SLC39A11: variants seen among roughly 807,000 people sequenced by gnomAD.
SLC39A11 encodes solute carrier family 39 member 11, also known as zinc transporter ZIP11.
A neutral mutation model predicts 36.1 loss-of-function variants in SLC39A11; 33 were observed. The ratio of observed to expected loss-of-function variants is 0.91; its 90% CI spans 0.69 to 1.22. SLC39A11 has a LOEUF of 1.22. Among genes scored for constraint, SLC39A11 ranks in the 50% most tolerant of loss-of-function variants. The probability of loss-of-function intolerance (pLI) is 0.00; values close to 1 mark genes in which losing one functional copy is unlikely to be tolerated. For missense variants in SLC39A11, 432 were observed against 430.3 expected (o/e 1.00, Z -0.03); for synonymous variants, 166 against 170.3 (o/e 0.97, Z 0.20).
At chr17:72,682,199 G>A (rs1019940486) in intron 7 of SLC39A11, among the ~76,000 whole-genome samples, 2 of 152,064 alleles carry the variant, frequency 1.3e-5, no homozygotes, top group African/African-American at 4.8e-5. Flanking sequence ...ACATTATGGG[G>A]AATTGTATAA....
At chr17:72,868,849 T>C (rs1016343242) in intron 5 of SLC39A11, among the ~76,000 whole-genome samples, 1 of 151,910 alleles carries the variant, frequency 6.6e-6, no homozygotes, top group Non-Finnish European at 1.5e-5. Context: ...ATATGAATGG[T>C]AAAAATGTAG....
intron 4 of SLC39A11, among the ~76,000 whole-genome samples, chr17:72,955,031 C>T (rs1001941354): frequency 6.6e-6 from 1 of 152,190 alleles, no homozygotes; most frequent in Non-Finnish European, 1.5e-5. Flanking sequence ...GCAATTCTTG[C>T]CTTGTCCAAA....
chr17:72,959,195 C>A (rs2086438420), intron 4 of SLC39A11, among the ~76,000 whole-genome samples: 1 of 151,524 alleles, frequency 6.6e-6, no homozygotes, highest in Non-Finnish European at 1.5e-5. Context: ...GAGGTCATCA[C>A]ATGAAAAAGA....
intron 4 of SLC39A11, among the ~76,000 whole-genome samples, chr17:73,016,288 T>G (rs961776031): frequency 1.1e-4 from 16 of 152,018 alleles, no homozygotes; most frequent in Admixed American, 5.2e-4. Flanking sequence ...TGGGTTCCAC[T>G]CCAGTTCTCC....
intron 6 of SLC39A11, among the ~76,000 whole-genome samples, chr17:72,737,983 C>G (rs2074506172): frequency 6.6e-6 from 1 of 152,062 alleles, no homozygotes; most frequent in African/African-American, 2.4e-5. Context: ...ATCACCACCA[C>G]CAGCATGCAT....
intron 5 of SLC39A11, among the ~76,000 whole-genome samples, chr17:72,937,386 CG>C (rs1369430177): frequency 6.6e-6 from 1 of 152,118 alleles, no homozygotes; most frequent in African/African-American, 2.4e-5. Flanking sequence ...ACCTGGGAGG[CG>C]GAGGTTGCAG....
At chr17:72,809,772 T>G (rs1205561957) in intron 6 of SLC39A11, among the ~76,000 whole-genome samples, 1 of 152,190 alleles carries the variant, frequency 6.6e-6, no homozygotes, top group Non-Finnish European at 1.5e-5. Context: ...TTTGTTTGTT[T>G]AATTGAAAAC....
At chr17:72,837,828 C>G in intron 6 of SLC39A11, 1 of 677,000 alleles carries the variant, frequency 1.5e-6, no homozygotes, top group Non-Finnish European at 2.1e-6. Flanking sequence ...AAATGAAAGT[C>G]AGTCCCGGTT....
intron 6 of SLC39A11, among the ~76,000 whole-genome samples, chr17:72,807,217 A>G (rs1034715507): frequency 1.3e-5 from 2 of 152,072 alleles, no homozygotes; most frequent in South Asian, 4.2e-4. Context: ...TGACCTCTGC[A>G]TTGTTTCTGT....
At chr17:73,002,563 A>G (rs1260257233) in intron 4 of SLC39A11, among the ~76,000 whole-genome samples, 2 of 152,226 alleles carry the variant, frequency 1.3e-5, no homozygotes, top group African/African-American at 4.8e-5. Flanking sequence ...AAGGGCTCTC[A>G]CTACCAAATT....
At position 73,024,339 on chromosome 17, in the gene SLC39A11, C is replaced by T. The variant is rs1410441176; in HGVS notation, c.306+7217G>A. ...AGCCTCAACAGAGTATAAGAAAGCA[C>T]AATCCTAAAAATGGGGCAAAGGGCT... On this transcript the variant is annotated intron_variant, in intron 4 of 9. Coordinates refer to ENST00000255559, the MANE Select transcript of SLC39A11 (RefSeq NM_139177.4). 2.0e-5 allele frequency among the ~76,000 whole-genome samples: 3 copies of T among 152,184 alleles called. No homozygotes were observed. The East Asian group carries it at 5.8e-4, about 29-fold the overall frequency.
intron 7 of SLC39A11, among the ~76,000 whole-genome samples, chr17:72,670,158 TATACACACACAC>T (rs1175520567): frequency 0.012 from 1,503 of 126,326 alleles, 24 homozygotes; most frequent in Admixed American, 0.026. Flanking sequence ...ACACATTTTA[TATACACACACAC>T]ACACACACAC....
At chr17:72,747,250 T>G (rs899944341) in intron 6 of SLC39A11, among the ~76,000 whole-genome samples, 1 of 152,052 alleles carries the variant, frequency 6.6e-6, no homozygotes, top group African/African-American at 2.4e-5. Context: ...TGGTGCAATC[T>G]CAGTTCACTG....
In SLC39A11 at chr17:72,900,148, GAAAGAAAAGAAAGAAA is replaced by G. The variant is rs1214659702; in HGVS notation, c.430+47588_430+47603del. ...AAAGAAAGAAAGAAAGAAAAAGAAAGAAAGAAAAGAAAGAAAGAAAGAAAGAAAGAAAGAAAGAAAG... is the reference window on the plus strand; with the variant it reads ...AAAGAAAGAAAGAAAGAAAAAGAAAGGAAAGAAAGAAAGAAAGAAAGAAAG... On this transcript the variant is annotated intron_variant, in intron 5 of 9. Transcript: ENST00000255559. Among the ~76,000 whole-genome samples, 157 of 96,630 alleles carry G rather than the reference GAAAGAAAAGAAAGAAA, an allele frequency of 1.6e-3. 18 individuals are homozygous for G. The highest frequency in any genetic ancestry group is 6.5e-3 in the African/African-American group (149 of 22,874). The allele number at this position is 96,630 out of a possible 152,430, so 63.4% of individuals were successfully genotyped here. A position where few individuals can be genotyped will look rare whatever the true frequency, so the allele number is the denominator to read the frequency against.
chr17:72,773,679 C>CACACA (rs57105900), intron 6 of SLC39A11, among the ~76,000 whole-genome samples: 14,778 of 145,668 alleles, frequency 0.1, 803 homozygotes, highest in Non-Finnish European at 0.11. Context: ...ACACACACAC[C>CACACA]CAGTATATAA....
At chr17:73,042,024 CAACTT>C (rs1391203911) in intron 3 of SLC39A11, among the ~76,000 whole-genome samples, 1 of 151,750 alleles carries the variant, frequency 6.6e-6, no homozygotes, top group Non-Finnish European at 1.5e-5. Context: ...AAAAAAAAAT[CAACTT>C]AACACCTACC....
At chr17:72,872,264 A>C (rs2080673085) in intron 5 of SLC39A11, among the ~76,000 whole-genome samples, 1 of 152,104 alleles carries the variant, frequency 6.6e-6, no homozygotes, top group South Asian at 2.1e-4. Flanking sequence ...CTTGCCACCC[A>C]CAGCGCATCC....
intron 5 of SLC39A11, among the ~76,000 whole-genome samples, chr17:72,947,270 C>T (rs1008174271): frequency 8.0e-5 from 12 of 150,804 alleles, no homozygotes; most frequent in Admixed American, 1.3e-4. Flanking sequence ...GCTGAGATGG[C>T]GCCACTGCAC....
At chr17:72,866,222 T>C (rs1483509753) in intron 5 of SLC39A11, among the ~76,000 whole-genome samples, 1 of 152,184 alleles carries the variant, frequency 6.6e-6, no homozygotes, top group African/African-American at 2.4e-5. Flanking sequence ...CGAACCATAT[T>C]GTGAACTGCA....
Sources: allele counts gnomAD v4.1 joint callset (sites outside exome capture counted in the v4.1 genomes callset), GRCh38; gene constraint gnomAD v4.1.1; transcripts MANE v1.5; gene names NCBI Gene and HGNC (gene_info 2026-07-23, HGNC 2026-07-21).